Variants in MRPL44 observed in about 807,000 individuals in gnomAD.
The protein encoded by MRPL44 is large ribosomal subunit protein mL44.
A neutral mutation model predicts 25.9 loss-of-function variants in MRPL44; 21 were observed. The observed-to-expected ratio is 0.81, with a 90% CI of 0.58 to 1.17. MRPL44 has a LOEUF of 1.17. MRPL44 is among the 50% of genes most tolerant of loss of function. The probability of loss-of-function intolerance (pLI) is 0.00; values close to 1 mark genes in which losing one functional copy is unlikely to be tolerated. For synonymous variants in MRPL44, 169 were observed against 151.0 expected (o/e 1.12, Z -0.87); for missense variants, 410 against 398.9 (o/e 1.03, Z -0.24).
intron 2 of MRPL44, among the ~76,000 whole-genome samples, chr2:223,961,853 T>C (rs1444192698): frequency 6.6e-6 from 1 of 152,212 alleles, no homozygotes; most frequent in Non-Finnish European, 1.5e-5. Context: ...AAAATTGAGC[T>C]TTCTTTCTAT....
chr2:223,951,478 G>GA, the MRPL44 span, among the ~76,000 whole-genome samples: 1 of 112,560 alleles, frequency 8.9e-6, no homozygotes, highest in Admixed American at 9.6e-5. Flanking sequence ...TTACCTTGGA[G>GA]TTTTTTTTTT....
At position 223,957,649 on chromosome 2, in the gene MRPL44, C is replaced by G. The variant is rs556415712; in HGVS notation, c.177C>G (p.Arg59=). The change falls in exon 1 of 4, where the codon CGC becomes CGG. Residue 59 remains arginine (R), a splice_region_variant and synonymous_variant. Coordinates refer to ENST00000258383, the MANE Select transcript of MRPL44 (RefSeq NM_022915.5). ...TGCGGTGCCCGCCGCCGCCCGTGCG[C>G]CGGTAGGAGCCACCTCGGGAAGAGG... ...RLLRCPPPPV[R]RSEKPNWDYH... 8 of 1,604,962 alleles carry G rather than the reference C, an allele frequency of 5.0e-6. No individual in the cohort carries two copies. The highest frequency in any genetic ancestry group is 1.8e-4 in the Middle Eastern group (1 of 5,438).
At chr2:223,952,398 T>C in the MRPL44 span, among the ~76,000 whole-genome samples, 1 of 152,238 alleles carries the variant, frequency 6.6e-6, no homozygotes, top group Non-Finnish European at 1.5e-5. Flanking sequence ...TGGTACCATC[T>C]GTTCCCTTTG....
intron 2 of MRPL44, among the ~76,000 whole-genome samples, chr2:223,960,763 C>G (rs574351022): frequency 1.3e-5 from 2 of 152,172 alleles, no homozygotes; most frequent in South Asian, 4.1e-4. Context: ...TCTTTCTCCC[C>G]CCAGTTAGTT....
At chr2:223,958,264 CTT>C (rs767985714) in intron 1 of MRPL44, among the ~76,000 whole-genome samples, 1 of 152,132 alleles carries the variant, frequency 6.6e-6, no homozygotes, top group Non-Finnish European at 1.5e-5. Context: ...GTACCTCACT[CTT>C]TTTTATGGCT....
At position 223,957,521 on chromosome 2, in the gene MRPL44, C is replaced by T. The variant is rs769834883; in HGVS notation, c.49C>T (p.Leu17=). 1 of 1,614,128 alleles carries T rather than the reference C, an allele frequency of 6.2e-7. No homozygotes were observed. Among genetic ancestry groups the T allele is most frequent in the Non-Finnish European group, 8.5e-7 (1 of 1,180,016 alleles). The change falls in exon 1 of 4, where the codon CTG becomes TTG. Residue 17 remains leucine (L), a synonymous_variant. Transcript: ENST00000258383. ...GCTGCAGCAGGGACATCGCTGCCTC[C>T]TGGCTCCAGTCGCCCCCAAGCTGGT... ...RLLQQGHRCL[L]APVAPKLVPP... is the part of the protein sequence containing the mutation.
intron 3 of MRPL44, among the ~76,000 whole-genome samples, chr2:223,964,339 T>C (rs1189870170): frequency 6.6e-6 from 1 of 152,194 alleles, no homozygotes; most frequent in Admixed American, 6.5e-5. Context: ...GCCTTAGTTA[T>C]CCATCAAAAT....
the MRPL44 span, among the ~76,000 whole-genome samples, chr2:223,951,185 GTT>G: frequency 2.0e-5 from 3 of 152,262 alleles, no homozygotes; most frequent in South Asian, 6.2e-4. Context: ...ATGACTGCAA[GTT>G]TCCATGAATG....
At chr2:223,963,472 C>T (rs1689694596) in intron 2 of MRPL44, among the ~76,000 whole-genome samples, 1 of 152,034 alleles carries the variant, frequency 6.6e-6, no homozygotes, top group Non-Finnish European at 1.5e-5. Flanking sequence ...TTATAGGATT[C>T]TACCTTCTGT....
At position 223,967,288 on chromosome 2, in the gene MRPL44, A is replaced by G. The variant is rs1042798927; in HGVS notation, c.*254A>G. 3 of 338,622 alleles carry G rather than the reference A, an allele frequency of 8.9e-6. No individual in the cohort carries two copies. The highest frequency in any genetic ancestry group is 4.3e-5 in the African/African-American group (2 of 46,844). 21.0% of individuals were successfully genotyped at this position (338,622 alleles called of 1,614,324 possible). A position where few individuals can be genotyped will look rare whatever the true frequency, so the allele number is the denominator to read the frequency against. ...TACTCTGTCGCCCAGGCTGGACTGC[A>G]GTGGTGCGATCTCGGCTCACTGCAA... On this transcript the variant is annotated 3_prime_UTR_variant, in exon 4 of 4. Coordinates refer to ENST00000258383, the MANE Select transcript of MRPL44 (RefSeq NM_022915.5).
At chr2:223,957,400 T>G, upstream of MRPL44, 2 of 1,583,300 alleles carry the variant, frequency 1.3e-6, no homozygotes, top group Non-Finnish European at 1.7e-6. Context: ...CGTTCCGGGT[T>G]CCGGGGGAAG....
At chr2:223,951,478 G>GTTTTTTTTTGTTTTTTTTT in the MRPL44 span, among the ~76,000 whole-genome samples, 3 of 112,542 alleles carry the variant, frequency 2.7e-5, no homozygotes, top group East Asian at 5.0e-4. Context: ...TTACCTTGGA[G>GTTTTTTTTTGTTTTTTTTT]TTTTTTTTTT....
Position 223,957,636 on chromosome 2 carries a change from C to T in MRPL44, c.164C>T (p.Pro55Leu), listed in dbSNP as rs1689592851. 1 of 1,608,246 alleles carries T rather than the reference C, an allele frequency of 6.2e-7. No homozygotes were observed. Among genetic ancestry groups the T allele is most frequent in the Non-Finnish European group, 8.5e-7 (1 of 1,179,542 alleles). ...CGGCAGCGCCTTCTGCGGTGCCCGCCGCCGCCCGTGCGCCGGTAGGAGCCA... is the reference window on the plus strand; with the variant it reads ...CGGCAGCGCCTTCTGCGGTGCCCGCTGCCGCCCGTGCGCCGGTAGGAGCCA... ...LERQRLLRCP[P>L]PPVRRSEKPN... The change falls in exon 1 of 4, where the codon CCG becomes CTG. Residue 55 changes from proline (P) to leucine (L), a missense_variant. Pro to Leu is a moderately conservative substitution (Grantham distance 98). Transcript: ENST00000258383.
the MRPL44 span, among the ~76,000 whole-genome samples, chr2:223,950,897 C>G: frequency 6.6e-6 from 1 of 152,062 alleles, no homozygotes; most frequent in Non-Finnish European, 1.5e-5. Context: ...GCATTTACAG[C>G]CATAAGAGTA....
At chr2:223,960,545 GT>G (rs1305417275) in intron 2 of MRPL44, among the ~76,000 whole-genome samples, 1 of 152,124 alleles carries the variant, frequency 6.6e-6, no homozygotes, top group Non-Finnish European at 1.5e-5. Flanking sequence ...AAAACATGAG[GT>G]TTTGTTCACT....
intron 2 of MRPL44, among the ~76,000 whole-genome samples, chr2:223,960,928 G>A (rs769358017): frequency 6.6e-6 from 1 of 152,168 alleles, no homozygotes; most frequent in African/African-American, 2.4e-5. Flanking sequence ...ATTGTAATGC[G>A]TCTTAACAGT....
upstream of MRPL44, among the ~76,000 whole-genome samples, chr2:223,954,505 C>G (rs1282296141): frequency 6.6e-6 from 1 of 152,184 alleles, no homozygotes; most frequent in Non-Finnish European, 1.5e-5. Flanking sequence ...AGTCAAAGCG[C>G]TGGCCAGTAG....
At chr2:223,964,008 A>C in intron 3 of MRPL44, 74 bp downstream of exon 3, 1 of 1,195,678 alleles carries the variant, frequency 8.4e-7, no homozygotes, top group South Asian at 1.4e-5. Context: ...AAGCCTTAAA[A>C]ACACTCTTCA....
chr2:223,961,527 AG>A (rs1302753596), intron 2 of MRPL44, among the ~76,000 whole-genome samples: 1 of 152,204 alleles, frequency 6.6e-6, no homozygotes, highest in East Asian at 1.9e-4. Flanking sequence ...CTCTGGGAGT[AG>A]GGCCTAGGAA....
Sources: gnomAD v4.1 joint callset for allele counts (sites outside exome capture counted in the v4.1 genomes callset) on GRCh38, gnomAD v4.1.1 for gene constraint, MANE v1.5 for transcripts, NCBI Gene and HGNC (gene_info 2026-07-23, HGNC 2026-07-21) for gene names.